Variants in FAM83F observed in about 807,000 individuals in gnomAD.
FAM83F encodes protein FAM83F.
Under a neutral mutation model 42.9 loss-of-function variants are expected in FAM83F, and 45 were observed. The observed-to-expected ratio is 1.05, with a 90% CI of 0.83 to 1.35. FAM83F has a LOEUF of 1.35. FAM83F is among the 40% of genes most tolerant of loss of function. The probability of loss-of-function intolerance (pLI) is 0.00; values close to 1 mark genes in which losing one functional copy is unlikely to be tolerated. For synonymous variants in FAM83F, 306 were observed against 298.3 expected (o/e 1.03, Z -0.27); for missense variants, 617 against 695.9 (o/e 0.89, Z 1.28).
intron 1 of FAM83F, among the ~76,000 whole-genome samples, chr22:40,012,282 G>A (rs1395868966): frequency 6.6e-6 from 1 of 151,916 alleles, no homozygotes; most frequent in Non-Finnish European, 1.5e-5. Flanking sequence ...TTACAGGCAT[G>A]TGCCACCACG....
intron 1 of FAM83F, among the ~76,000 whole-genome samples, chr22:40,011,953 A>G (rs1251545856): frequency 6.6e-6 from 1 of 152,184 alleles, no homozygotes; most frequent in Non-Finnish European, 1.5e-5. Flanking sequence ...CTGTTGCTCT[A>G]CAGAATAGCT....
chr22:40,039,453 G>A lies in FAM83F; in HGVS notation c.*9888G>A, dbSNP rs990360475. 1 of 152,206 alleles carries A rather than the reference G, an allele frequency of 6.6e-6. No homozygotes were observed. Among genetic ancestry groups the A allele is most frequent in the African/African-American group, 2.4e-5 (1 of 41,454 alleles). 9.4% of individuals were successfully genotyped at this position (152,206 alleles called of 1,614,324 possible). A position where few individuals can be genotyped will look rare whatever the true frequency, so the allele number is the denominator to read the frequency against. ...TTAGGTTTTATCATTATCTTAGGTG[G>A]AGAATAACAAATCCGATTCAATATA... On this transcript the variant is annotated 3_prime_UTR_variant, in exon 5 of 5. Coordinates refer to ENST00000333407, the MANE Select transcript of FAM83F (RefSeq NM_138435.4).
intron 4 of FAM83F, among the ~76,000 whole-genome samples, chr22:40,022,998 T>C (rs1035123191): frequency 7.2e-5 from 11 of 152,344 alleles, no homozygotes; most frequent in Middle Eastern, 3.4e-3. Flanking sequence ...GCTCAGGAAA[T>C]GTTGGCTAAC....
chr22:40,028,303 A>T (rs1045737559), intron 4 of FAM83F, among the ~76,000 whole-genome samples: 24 of 152,226 alleles, frequency 1.6e-4, no homozygotes, highest in African/African-American at 5.8e-4. Flanking sequence ...CCTGTGTGGC[A>T]GGGCAGGGCT....
Position 40,021,459 on chromosome 22 carries a change from A to G in FAM83F, c.949A>G (p.Thr317Ala), listed in dbSNP as rs1032559846. Residue 317 changes from threonine to alanine, a missense_variant, in exon 4 of 5, where the codon ACT (threonine) becomes GCT (alanine). Coordinates refer to ENST00000333407, the MANE Select transcript of FAM83F (RefSeq NM_138435.4). This position sits in a 1 kb window ranked among gnomAD's most constrained non-coding sequence, Gnocchi z 8.7. Reference protein sequence around the residue: ...AGRVGLHYSSTVARKLINPKY... With the variant: ...AGRVGLHYSSAVARKLINPKY... Reference sequence around the variant, plus strand: ...CAGGGTTGGCCTCCATTACTCCTCCACTGTGGCTCGAAAGCTTATCAACCC... The same window carrying G: ...CAGGGTTGGCCTCCATTACTCCTCCGCTGTGGCTCGAAAGCTTATCAACCC... 1.2e-6 allele frequency: 2 copies of G among 1,609,078 alleles called. No homozygotes were observed. The highest frequency in any genetic ancestry group is 1.7e-6 in the Non-Finnish European group (2 of 1,176,690).
rs369716516 is a variant in FAM83F, at chr22:40,024,192, G to T, written c.1453+2229G>T. On this transcript the variant is annotated intron_variant, in intron 4 of 4. Coordinates refer to ENST00000333407, the MANE Select transcript of FAM83F (RefSeq NM_138435.4). The stretch of plus-strand genomic sequence containing the variant: ...TTTTTTAAATTGTTTGTATAGACAG[G>T]GTCTCATCATGTTGCCCAGGCTGGT... Among the ~76,000 whole-genome samples the T allele has an allele frequency of 8.5e-5, 13 of 152,196 alleles. No individual in the cohort carries two copies. The East Asian group carries it at 2.3e-3, about 27-fold the overall frequency.
chr22:39,998,185 T>A (rs1250773418), intron 1 of FAM83F, among the ~76,000 whole-genome samples: 1 of 152,106 alleles, frequency 6.6e-6, no homozygotes, highest in African/African-American at 2.4e-5. Flanking sequence ...GGAGTTTCCT[T>A]TGTTTCTAGT....
rs768263209 is a variant in FAM83F at position 39,995,451 on chromosome 22, C to G, written c.409C>G (p.Leu137Val). Residue 137 changes from leucine to valine, a missense_variant, in exon 1 of 5, where the codon CTC becomes GTC. Coordinates refer to ENST00000333407, the MANE Select transcript of FAM83F (RefSeq NM_138435.4). This position sits in a 1 kb window ranked among gnomAD's most constrained non-coding sequence, Gnocchi z 4.6. ...CTACCGCGGCGTGAGCCGGGTCACG[C>G]TCTTCACCCACCCGCCCAAGGACGA... ...GFYRGVSRVT[L>V]FTHPPKDEKA... 3.8e-6 allele frequency: 6 copies of G among 1,565,080 alleles called. No individual in the cohort carries two copies. The Admixed American group carries it at 9.3e-5, about 24-fold the overall frequency.
At position 40,002,258 on chromosome 22, in the gene FAM83F, C is replaced by G. The variant is rs534840268; in HGVS notation, c.489+6727C>G. ...CCCCAGGGCAGCCTGGAAAGACTCCCCAAGTTCTTTTAGTTCTGGAGAACT... is the reference window on the plus strand; with the variant it reads ...CCCCAGGGCAGCCTGGAAAGACTCCGCAAGTTCTTTTAGTTCTGGAGAACT... On this transcript the variant is annotated intron_variant, in intron 1 of 4. Coordinates refer to ENST00000333407, the MANE Select transcript of FAM83F (RefSeq NM_138435.4). Among the ~76,000 whole-genome samples the G allele has an allele frequency of 1.4e-4, 22 of 152,328 alleles. 1 individual carries two copies. The highest frequency in any genetic ancestry group is 1.2e-3 in the Admixed American group (19 of 15,306).
chr22:40,021,572 C>T lies in FAM83F; in HGVS notation c.1062C>T (p.Asn354=). 1 of 1,565,820 alleles carries T rather than the reference C, an allele frequency of 6.4e-7. No homozygotes were observed. Among genetic ancestry groups the T allele is most frequent in the African/African-American group, 1.4e-5 (1 of 73,442 alleles). The change falls in exon 4 of 5, where the codon AAC becomes AAT. Residue 354 remains asparagine, a synonymous_variant. Transcript: ENST00000333407. The surrounding 1 kb of genome is among the most constrained non-coding windows in gnomAD (Gnocchi z 8.7). ...GGCAACAGCGGGAGGCGGGCGGCAACCCGGAGGGGCAGGAGGAGGGCGCCA... is the reference window on the plus strand; with the variant it reads ...GGCAACAGCGGGAGGCGGGCGGCAATCCGGAGGGGCAGGAGGAGGGCGCCA... ...AARQQREAGG[N]PEGQEEGASG...
intron 1 of FAM83F, chr22:40,010,045 C>G (rs1449812700): frequency 3.3e-5 from 5 of 152,170 alleles, no homozygotes; most frequent in Admixed American, 2.6e-4. Flanking sequence ...TCTGCCAATG[C>G]GCCTGCGACA....
At chr22:40,007,449 TC>T (rs749915698) in intron 1 of FAM83F, among the ~76,000 whole-genome samples, 1 of 5,984 alleles carries the variant, frequency 1.7e-4, no homozygotes, top group African/African-American at 9.4e-4. Flanking sequence ...TCTCCTCTCC[TC>T]CTCCTCTCCT....
intron 4 of FAM83F, among the ~76,000 whole-genome samples, chr22:40,024,622 T>C (rs1459667959): frequency 6.6e-6 from 1 of 152,094 alleles, no homozygotes; most frequent in Non-Finnish European, 1.5e-5. Context: ...TCCCTGGGGC[T>C]GTGTTCTCAT....
chr22:39,995,073 G>A lies in FAM83F; in HGVS notation c.31G>A (p.Glu11Lys), dbSNP rs2067366094. The change falls in exon 1 of 5, where the codon GAG becomes AAG. Residue 11 changes from glutamate (E) to lysine (K), a missense_variant. Coordinates refer to ENST00000333407, the MANE Select transcript of FAM83F (RefSeq NM_138435.4). The surrounding 1 kb of genome is among the most constrained non-coding windows in gnomAD (Gnocchi z 4.6). ...CGAGTCCCAGCTGAACTGCCTGGACGAGGCGCACGTGAACGAGAAGGTGAC... is the reference window on the plus strand; with the variant it reads ...CGAGTCCCAGCTGAACTGCCTGGACAAGGCGCACGTGAACGAGAAGGTGAC... MAESQLNCLDEAHVNEKVTEA... is the reference protein window; with the variant it reads MAESQLNCLDKAHVNEKVTEA... The A allele has an allele frequency of 9.7e-6, 13 of 1,342,350 alleles. No individual in the cohort carries two copies. Among genetic ancestry groups the A allele is most frequent in the Non-Finnish European group, 1.2e-5 (13 of 1,054,168 alleles). 83.2% of individuals were successfully genotyped at this position (1,342,350 alleles called of 1,614,324 possible).
At chr22:40,008,300 G>T (rs530978634) in intron 1 of FAM83F, among the ~76,000 whole-genome samples, 2 of 152,372 alleles carry the variant, frequency 1.3e-5, no homozygotes, top group South Asian at 4.1e-4. Context: ...CCCCCCATGG[G>T]CTGTCTCCTT....
intron 2 of FAM83F, among the ~76,000 whole-genome samples, chr22:40,019,576 G>A (rs746331240): frequency 6.6e-6 from 1 of 152,226 alleles, no homozygotes; most frequent in African/African-American, 2.4e-5. Context: ...GGGAGCTCTG[G>A]GCTGGTCCTG....
chr22:40,024,726 C>T (rs1470103926), intron 4 of FAM83F, among the ~76,000 whole-genome samples: 1 of 152,106 alleles, frequency 6.6e-6, no homozygotes, highest in Non-Finnish European at 1.5e-5. Flanking sequence ...GCCCTCTTGT[C>T]AAGGGAGAAC....
chr22:40,009,496 GAAGCTCATC>G, intron 1 of FAM83F, among the ~76,000 whole-genome samples: 1 of 152,346 alleles, frequency 6.6e-6, no homozygotes, highest in Non-Finnish European at 1.5e-5. Flanking sequence ...GAGCAGTTAG[GAAGCTCATC>G]AAAGCATGGT....
Position 40,021,208 on chromosome 22 carries a change from CG to C in FAM83F, c.780-80del, listed in dbSNP as rs1569234659. ...ACCTGCAGCAAGGGTCTGGCCACAG[CG>C]GAGGGGCAGGTGGGGGCGGGGGCAG... On this transcript the variant is annotated intron_variant, in intron 3 of 4. Transcript: ENST00000333407. This position sits in a 1 kb window ranked among gnomAD's most constrained non-coding sequence, Gnocchi z 8.7. The C allele has an allele frequency of 6.9e-7, 1 of 1,443,416 alleles. No homozygotes were observed. Among genetic ancestry groups the C allele is most frequent in the African/African-American group, 1.4e-5 (1 of 70,614 alleles). The allele number at this position is 1,443,416 out of a possible 1,614,324, so 89.4% of individuals were successfully genotyped here.
Sources: allele counts gnomAD v4.1 joint callset (sites outside exome capture counted in the v4.1 genomes callset), GRCh38; gene constraint gnomAD v4.1.1; non-coding constraint Gnocchi (gnomAD v3.1); transcripts MANE v1.5; gene names NCBI Gene and HGNC (gene_info 2026-07-23, HGNC 2026-07-21).